Variants in CYP19A1 observed in about 807,000 individuals in gnomAD.
CYP19A1 encodes cytochrome P450 family 19 subfamily A member 1.
A neutral mutation model predicts 44.4 loss-of-function variants in CYP19A1; 32 were observed. The ratio of observed to expected loss-of-function variants is 0.72; its 90% CI spans 0.54 to 0.97. CYP19A1 has a LOEUF of 0.97. CYP19A1 is among the 50% of genes least tolerant of loss of function. The probability of loss-of-function intolerance (pLI) is 0.00; values close to 1 mark genes in which losing one functional copy is unlikely to be tolerated. For synonymous variants in CYP19A1, 212 were observed against 215.6 expected, an observed-to-expected ratio of 0.98 and a Z score of 0.14; for missense variants, 598 against 637.8, an observed-to-expected ratio of 0.94 and a Z score of 0.67.
chr15:51,225,001 C>T (rs28638229), intron 4 of CYP19A1, among the ~76,000 whole-genome samples: 1 of 152,188 alleles, frequency 6.6e-6, no homozygotes, highest in African/African-American at 2.4e-5. Flanking sequence ...TTATAAGCAT[C>T]CATTCCTCTG....
At chr15:51,234,992 C>A (rs927928628) in intron 3 of CYP19A1, among the ~76,000 whole-genome samples, 5 of 152,024 alleles carry the variant, frequency 3.3e-5, no homozygotes, top group African/African-American at 1.2e-4. Context: ...ATGGGGAAGG[C>A]AGACCCTGGG....
intron 1 of CYP19A1, among the ~76,000 whole-genome samples, chr15:51,311,067 T>C (rs1390729715): frequency 6.6e-6 from 1 of 152,118 alleles, no homozygotes; most frequent in Non-Finnish European, 1.5e-5. Flanking sequence ...CATAGTATAC[T>C]ATATGAAATG....
intron 2 of CYP19A1, among the ~76,000 whole-genome samples, chr15:51,241,377 G>A (rs2033755290): frequency 6.6e-6 from 1 of 152,192 alleles, no homozygotes; most frequent in Admixed American, 6.5e-5. Flanking sequence ...CCTACCTGCT[G>A]GGTGTTCTTA....
intron 1 of CYP19A1, among the ~76,000 whole-genome samples, chr15:51,326,762 A>C (rs577927959): frequency 5.3e-4 from 80 of 152,350 alleles, no homozygotes; most frequent in African/African-American, 1.9e-3. Context: ...CATCTAACAA[A>C]ATGAGACACA....
chr15:51,301,769 T>A (rs549682849), intron 1 of CYP19A1, among the ~76,000 whole-genome samples: 3 of 152,338 alleles, frequency 2.0e-5, no homozygotes, highest in East Asian at 1.9e-4. Context: ...TGGGAATGAT[T>A]AGAATCCTCG....
chr15:51,212,516 A>G lies in CYP19A1; in HGVS notation c.1067T>C (p.Met356Thr), dbSNP rs751840822. Residue 356 changes from methionine (M) to threonine (T), a missense_variant, in exon 9 of 10, where the codon ATG (methionine) becomes ACG (threonine). By Grantham distance (81) the Met-to-Thr change is moderately conservative. Coordinates refer to ENST00000396402, the MANE Select transcript of CYP19A1 (RefSeq NM_000103.4). ...KIDDIQKLKV[M>T]ENFIYESMRY... ...CATGCTCTCATAAATGAAGTTTTCC[A>G]TCACTTTTAATTTTTGTATATCATC... The G allele has an allele frequency of 1.3e-6, 2 of 1,545,690 alleles. No individual in the cohort carries two copies. The highest frequency in any genetic ancestry group is 1.4e-5 in the African/African-American group (1 of 73,500).
chr15:51,294,125 C>T (rs1444986103), intron 1 of CYP19A1, among the ~76,000 whole-genome samples: 10 of 133,504 alleles, frequency 7.5e-5, no homozygotes, highest in Non-Finnish European at 1.2e-4. Context: ...CGTCTCTGCC[C>T]GGCTGCCCAT....
chr15:51,258,488 A>G (rs1384640268), intron 1 of CYP19A1, among the ~76,000 whole-genome samples: 1 of 152,166 alleles, frequency 6.6e-6, no homozygotes, highest in African/African-American at 2.4e-5. Context: ...TCTCCTATAA[A>G]CTATCCTGTA....
At chr15:51,306,954 A>G (rs1425705439) in intron 1 of CYP19A1, among the ~76,000 whole-genome samples, 2 of 151,040 alleles carry the variant, frequency 1.3e-5, no homozygotes, top group African/African-American at 4.9e-5. Context: ...GGGTCTAGAC[A>G]TATTGATGAT....
chr15:51,289,055 A>G (rs993653518), intron 1 of CYP19A1, among the ~76,000 whole-genome samples: 3 of 152,224 alleles, frequency 2.0e-5, no homozygotes, highest in Non-Finnish European at 4.4e-5. Flanking sequence ...TCATTGCTAC[A>G]GAACTAGGGT....
chr15:51,294,292 C>T (rs2035924006), intron 1 of CYP19A1, among the ~76,000 whole-genome samples: 1 of 145,550 alleles, frequency 6.9e-6, no homozygotes, highest in South Asian at 2.2e-4. Context: ...GGCCGCCCAT[C>T]GTCTGAGATG....
chr15:51,214,470 T>C (rs1269461893), intron 8 of CYP19A1, among the ~76,000 whole-genome samples: 1 of 152,138 alleles, frequency 6.6e-6, no homozygotes, highest in African/African-American at 2.4e-5. Context: ...ATCACTACCC[T>C]GTCTTTGCTG....
At chr15:51,271,858 A>G (rs1391394016) in intron 1 of CYP19A1, among the ~76,000 whole-genome samples, 1 of 152,248 alleles carries the variant, frequency 6.6e-6, no homozygotes, top group Admixed American at 6.5e-5. Flanking sequence ...CACTTTTTAC[A>G]TAATAGGTGT....
rs559137054 is a variant in CYP19A1 at position 51,236,786 on chromosome 15, A to C, written c.296+73T>G. 1.9e-6 allele frequency: 3 copies of C among 1,570,430 alleles called. No individual in the cohort carries two copies. In the East Asian group the frequency reaches 6.7e-5, roughly 35 times the overall value. ...AGAAACAAAGACATCAAGATTCAAA[A>C]TAAAGTTGTCTTAAGTGGAAAAAAC... On this transcript the variant is annotated intron_variant, in intron 3 of 9. Coordinates refer to ENST00000396402, the MANE Select transcript of CYP19A1 (RefSeq NM_000103.4).
chr15:51,226,286 A>C (rs1279149462), intron 4 of CYP19A1, among the ~76,000 whole-genome samples: 2 of 152,104 alleles, frequency 1.3e-5, no homozygotes, highest in Non-Finnish European at 2.9e-5. Context: ...TGGAAAAGAC[A>C]AAGAAAGAGA....
chr15:51,218,577 T>A lies in CYP19A1; in HGVS notation c.707A>T (p.Lys236Met). The change falls in exon 6 of 10, where the codon AAG (lysine) becomes ATG (methionine). Residue 236 changes from lysine (K) to methionine (M), a missense_variant. Lys to Met is a moderately conservative substitution (Grantham distance 95). Transcript: ENST00000396402. ...ATACTTTTTGTATAGCCAAGAAATC[T>A]TAAAGAAGATGTCTGGTTTGATGAG... ...ALLIKPDIFF[K>M]ISWLYKKYEK... is the part of the protein sequence containing the mutation. 1.2e-6 allele frequency: 2 copies of A among 1,613,828 alleles called. No individual in the cohort carries two copies.
intron 1 of CYP19A1, among the ~76,000 whole-genome samples, chr15:51,268,499 G>A (rs1045465230): frequency 6.8e-6 from 1 of 147,498 alleles, no homozygotes; most frequent in Admixed American, 6.9e-5. Context: ...ACTTCTTAAG[G>A]AGCATTTCCA....
intron 1 of CYP19A1, among the ~76,000 whole-genome samples, chr15:51,249,862 A>G (rs1484540804): frequency 6.6e-6 from 1 of 152,348 alleles, no homozygotes; most frequent in Non-Finnish European, 1.5e-5. Context: ...CCAAGTGCAC[A>G]TTCTGTGATA....
At chr15:51,300,346 C>A (rs17523880) in intron 1 of CYP19A1, among the ~76,000 whole-genome samples, 14,841 of 152,224 alleles carry the variant, frequency 0.097, 986 homozygotes, top group Non-Finnish European at 0.14. Flanking sequence ...CTACAACTCA[C>A]GAGAGGGCCG....
Sources: allele counts gnomAD v4.1 joint callset (sites outside exome capture counted in the v4.1 genomes callset), GRCh38; gene constraint gnomAD v4.1.1; transcripts MANE v1.5; gene names NCBI Gene and HGNC (gene_info 2026-07-23, HGNC 2026-07-21).